Variants in GABRA2 observed in about 807,000 individuals in gnomAD.
GABRA2 encodes the protein gamma-aminobutyric acid receptor subunit alpha-2.
Under a neutral mutation model 48.7 loss-of-function variants are expected in GABRA2, and 16 were observed. The observed-to-expected ratio is 0.33, with a 90% CI of 0.22 to 0.50. GABRA2 has a LOEUF of 0.50. GABRA2 is among the 20% of genes least tolerant of loss of function. The pLI is 0.98. For synonymous variants in GABRA2, 185 were observed against 184.5 expected (o/e 1.00, Z -0.02); for missense variants, 275 against 535.6 (o/e 0.51, Z 4.80).
At chr4:46,386,317 T>G (rs1717447732) in intron 2 of GABRA2, 128 bp from the exon 3 acceptor site, 2 of 591,820 alleles carry the variant, frequency 3.4e-6, no homozygotes, top group Admixed American at 7.2e-5. Context: ...TTCCTCCTTT[T>G]TTTTTAACTT....
intron 8 of GABRA2, among the ~76,000 whole-genome samples, chr4:46,288,841 C>T (rs1327186980): frequency 1.3e-5 from 2 of 151,540 alleles, no homozygotes; most frequent in Non-Finnish European, 2.9e-5. Flanking sequence ...CATCCAGCAT[C>T]TATAAGGAAC....
rs552425694 is a variant in GABRA2, at chr4:46,287,397, T to A, written c.856+16063A>T. Among the ~76,000 whole-genome samples the A allele has an allele frequency of 3.0e-3, 459 of 151,994 alleles. 1 individual carries two copies. Among genetic ancestry groups the A allele is most frequent in the Non-Finnish European group, 4.9e-3 (336 of 67,968 alleles). Reference sequence around the variant, plus strand: ...ATGGATAAGAATGTCCAACAATGATTGACTGGATTAAGAAAATGTGGCACA... The same window carrying A: ...ATGGATAAGAATGTCCAACAATGATAGACTGGATTAAGAAAATGTGGCACA... On this transcript the variant is annotated intron_variant, in intron 8 of 9. Transcript: ENST00000381620.
chr4:46,381,356 G>C (rs1716732355), intron 3 of GABRA2, among the ~76,000 whole-genome samples: 1 of 152,120 alleles, frequency 6.6e-6, no homozygotes, highest in Non-Finnish European at 1.5e-5. Context: ...CTAAATTGAA[G>C]ACAAAGAGAA....
At chr4:46,340,914 T>C (rs1733107190) in intron 3 of GABRA2, among the ~76,000 whole-genome samples, 1 of 151,996 alleles carries the variant, frequency 6.6e-6, no homozygotes, top group Non-Finnish European at 1.5e-5. Context: ...GCTGTATTCG[T>C]TTCTTCTTCT....
intron 3 of GABRA2, among the ~76,000 whole-genome samples, chr4:46,335,254 A>T (rs985643691): frequency 1.3e-5 from 2 of 152,106 alleles, no homozygotes; most frequent in Admixed American, 6.6e-5. Context: ...TGTGACTCTG[A>T]TTCGTCAAGA....
intron 8 of GABRA2, among the ~76,000 whole-genome samples, chr4:46,285,137 T>C (rs1336046461): frequency 2.0e-5 from 3 of 151,484 alleles, no homozygotes; most frequent in Non-Finnish European, 4.4e-5. Context: ...ACTTTCCCCC[T>C]CCAATATACA....
chr4:46,291,941 A>G (rs2218164), intron 8 of GABRA2, among the ~76,000 whole-genome samples: 76,373 of 151,538 alleles, frequency 0.5, 20,482 homozygotes, highest in African/African-American at 0.69. Context: ...TCGGATTTCT[A>G]GAGTTGACTG....
intron 9 of GABRA2, 166 bp downstream of exon 9, chr4:46,261,760 G>T: frequency 1.5e-6 from 1 of 654,894 alleles, no homozygotes; most frequent in Non-Finnish European, 2.7e-6. Flanking sequence ...AGTACTACAA[G>T]AACTCCTAAA....
chr4:46,320,155 G>T (rs898670360), intron 4 of GABRA2, among the ~76,000 whole-genome samples: 2 of 151,812 alleles, frequency 1.3e-5, no homozygotes, highest in Non-Finnish European at 2.9e-5. Flanking sequence ...GAACTAAGTT[G>T]TAGGGCTGAG....
chr4:46,377,620 G>T (rs867813089), intron 3 of GABRA2, among the ~76,000 whole-genome samples: 1 of 145,468 alleles, frequency 6.9e-6, no homozygotes, highest in Non-Finnish European at 1.5e-5. Context: ...TCAGCCCCCC[G>T]CCCGGCTAGC....
intron 1 of GABRA2, chr4:46,389,462 T>C: frequency 2.2e-6 from 2 of 927,686 alleles, no homozygotes; most frequent in Non-Finnish European, 2.6e-6. Flanking sequence ...CAGGCAGCGG[T>C]AATCACAGTG....
chr4:46,254,278 A>G (rs74394054), intron 9 of GABRA2, among the ~76,000 whole-genome samples: 9 of 151,508 alleles, frequency 5.9e-5, no homozygotes, highest in Non-Finnish European at 1.2e-4. Context: ...GGGCCACATG[A>G]CTGATTTTAC....
intron 9 of GABRA2, among the ~76,000 whole-genome samples, chr4:46,250,832 G>T (rs1446481969): frequency 2.0e-5 from 3 of 151,484 alleles, no homozygotes; most frequent in Non-Finnish European, 4.4e-5. Context: ...GAATCTTATT[G>T]GTTGTGGGTT....
intron 6 of GABRA2, among the ~76,000 whole-genome samples, chr4:46,307,326 G>T (rs548430608): frequency 6.6e-6 from 1 of 151,352 alleles, no homozygotes; most frequent in East Asian, 2.0e-4. Flanking sequence ...ATATTCTGGC[G>T]CTCTCTTCAA....
intron 4 of GABRA2, 97 bp downstream of exon 4, chr4:46,332,518 A>G: frequency 1.4e-6 from 1 of 732,004 alleles, no homozygotes; most frequent in Non-Finnish European, 2.5e-6. Context: ...CATGAGACAT[A>G]TACATAATTC....
At chr4:46,288,789 G>T (rs897033044) in intron 8 of GABRA2, among the ~76,000 whole-genome samples, 2 of 152,114 alleles carry the variant, frequency 1.3e-5, no homozygotes, top group African/African-American at 4.8e-5. Flanking sequence ...TTTGCAGAAT[G>T]GGAGACAATT....
intron 3 of GABRA2, among the ~76,000 whole-genome samples, chr4:46,378,771 G>A (rs1229352095): frequency 6.6e-6 from 1 of 151,954 alleles, no homozygotes; most frequent in East Asian, 1.9e-4. Flanking sequence ...AGGCCACAGT[G>A]GGCTGAGATT....
chr4:46,385,775 C>A (rs1008523620), intron 3 of GABRA2, among the ~76,000 whole-genome samples: 1 of 151,902 alleles, frequency 6.6e-6, no homozygotes, highest in African/African-American at 2.4e-5. Context: ...TGTATATCTG[C>A]TCAATAATGC....
intron 3 of GABRA2, among the ~76,000 whole-genome samples, chr4:46,383,791 A>G (rs1441312871): frequency 1.3e-5 from 2 of 152,180 alleles, no homozygotes; most frequent in Non-Finnish European, 2.9e-5. Flanking sequence ...TGAGGAAAAA[A>G]TGATTCCAGT....
Sources: allele counts gnomAD v4.1 joint callset (sites outside exome capture counted in the v4.1 genomes callset), GRCh38; gene constraint gnomAD v4.1.1; transcripts MANE v1.5; gene names NCBI Gene and HGNC (gene_info 2026-07-23, HGNC 2026-07-21).